The following STPG2 variants were observed in gnomAD, a reference collection of about 807,000 sequenced individuals.
The protein encoded by STPG2 is sperm-tail PG-rich repeat-containing protein 2.
A neutral mutation model predicts 54.2 loss-of-function variants in STPG2; 56 were observed. The ratio of observed to expected loss-of-function variants is 1.03; its 90% CI spans 0.83 to 1.29. STPG2 has a LOEUF of 1.29. Among genes scored for constraint, STPG2 ranks in the 50% most tolerant of loss-of-function variants. The pLI is 0.00. For missense variants in STPG2, 596 were observed against 544.9 expected (o/e 1.09, Z -0.93); for synonymous variants, 200 against 181.8 (o/e 1.10, Z -0.81).
chr4:97,954,178 T>A (rs1049024631), intron 7 of STPG2, among the ~76,000 whole-genome samples: 1 of 152,204 alleles, frequency 6.6e-6, no homozygotes, highest in African/African-American at 2.4e-5. Flanking sequence ...CATTTCTACA[T>A]GAATAATTAA....
intron 10 of STPG2, among the ~76,000 whole-genome samples, chr4:97,586,415 T>A (rs1040874928): frequency 6.6e-6 from 1 of 151,926 alleles, no homozygotes; most frequent in Non-Finnish European, 1.5e-5. Flanking sequence ...ATTCAAATAA[T>A]TAATGGCTTA....
chr4:97,866,867 T>C (rs1390443146), intron 8 of STPG2, among the ~76,000 whole-genome samples: 1 of 151,776 alleles, frequency 6.6e-6, no homozygotes. Flanking sequence ...CTGGGGAGAA[T>C]AGATTAAAGG....
chr4:97,923,129 T>G (rs1215212578), intron 8 of STPG2, among the ~76,000 whole-genome samples: 2 of 152,266 alleles, frequency 1.3e-5, no homozygotes, highest in Non-Finnish European at 2.9e-5. Flanking sequence ...TGGCACCTCC[T>G]CGGCCTGGGC....
chr4:97,933,449 C>G (rs1261742523), intron 8 of STPG2, among the ~76,000 whole-genome samples: 1 of 152,106 alleles, frequency 6.6e-6, no homozygotes. Context: ...AAGCCTATGT[C>G]CAGAATGTTA....
At chr4:97,930,130 C>A (rs1205609856) in intron 8 of STPG2, among the ~76,000 whole-genome samples, 2 of 152,106 alleles carry the variant, frequency 1.3e-5, no homozygotes, top group Admixed American at 6.5e-5. Context: ...ATCTCCTGAC[C>A]TCGTAATCTA....
intron 9 of STPG2, among the ~76,000 whole-genome samples, chr4:97,781,273 C>T (rs1047425699): frequency 2.0e-5 from 3 of 152,148 alleles, no homozygotes; most frequent in Non-Finnish European, 2.9e-5. Flanking sequence ...CACAGAAATA[C>T]AAACTACCAT....
chr4:97,821,774 C>A (rs1728098695), intron 9 of STPG2, among the ~76,000 whole-genome samples: 2 of 152,204 alleles, frequency 1.3e-5, no homozygotes, highest in South Asian at 4.1e-4. Context: ...CTGAGCTATA[C>A]CTGAGGCCCT....
chr4:97,701,581 G>T (rs901679034), intron 10 of STPG2, among the ~76,000 whole-genome samples: 5 of 152,188 alleles, frequency 3.3e-5, no homozygotes, highest in African/African-American at 1.2e-4. Context: ...CATTCAAGGG[G>T]TTCTGGATCT....
At chr4:97,778,623 C>T (rs1726474938) in intron 9 of STPG2, among the ~76,000 whole-genome samples, 1 of 152,184 alleles carries the variant, frequency 6.6e-6, no homozygotes, top group Non-Finnish European at 1.5e-5. Flanking sequence ...ACGGAATGGA[C>T]AGACTGCCTC....
chr4:97,747,899 A>C (rs1427197339), intron 9 of STPG2, among the ~76,000 whole-genome samples: 1 of 151,428 alleles, frequency 6.6e-6, no homozygotes, highest in Non-Finnish European at 1.5e-5. Context: ...TGTTCTGTTT[A>C]ATATTTCCCA....
At chr4:97,519,827 G>A (rs930437910) in intron 4 of STPG2, among the ~76,000 whole-genome samples, 2 of 151,992 alleles carry the variant, frequency 1.3e-5, no homozygotes, top group African/African-American at 4.8e-5. Flanking sequence ...ACAAGAGGTG[G>A]AGAGATGAAG....
At chr4:97,747,851 T>C (rs1294666289) in intron 9 of STPG2, among the ~76,000 whole-genome samples, 3 of 151,454 alleles carry the variant, frequency 2.0e-5, no homozygotes, top group Admixed American at 6.6e-5. Flanking sequence ...CTTGGTTTTA[T>C]TCAGACGTTT....
rs559120665 is a variant in STPG2 at position 97,559,580 on chromosome 4, A to G, written c.1321-463T>C. On this transcript the variant is annotated intron_variant, in intron 10 of 10. Coordinates refer to ENST00000295268, the MANE Select transcript of STPG2 (RefSeq NM_174952.3). The stretch of plus-strand genomic sequence containing the variant: ...CCTCTGAAATTTGCAAAAGCTATTC[A>G]GCTTCAATTAATTTCCAGGCTTTTT... 1.6e-4 allele frequency among the ~76,000 whole-genome samples: 24 copies of G among 152,316 alleles called. No individual in the cohort carries two copies. In the East Asian group the frequency reaches 4.6e-3, roughly 29 times the overall value.
At chr4:97,525,241 T>A (rs1278997594) in intron 4 of STPG2, among the ~76,000 whole-genome samples, 1 of 151,862 alleles carries the variant, frequency 6.6e-6, no homozygotes, top group Non-Finnish European at 1.5e-5. Context: ...ATATCCAGGT[T>A]TTACTGCTAT....
intron 10 of STPG2, among the ~76,000 whole-genome samples, chr4:97,583,742 A>C (rs1732923161): frequency 6.6e-6 from 1 of 151,986 alleles, no homozygotes; most frequent in South Asian, 2.1e-4. Context: ...ATATCAGATT[A>C]AACAGACATT....
intron 3 of STPG2, among the ~76,000 whole-genome samples, chr4:98,124,683 CT>C (rs1023129482): frequency 1.3e-5 from 2 of 152,142 alleles, no homozygotes; most frequent in African/African-American, 2.4e-5. Flanking sequence ...TAGTATCTTA[CT>C]GGGGTTCTCT....
At chr4:97,742,565 G>A (rs62318588) in intron 9 of STPG2, among the ~76,000 whole-genome samples, 63,976 of 117,836 alleles carry the variant, frequency 0.54, 15,097 homozygotes, top group Middle Eastern at 0.62. Flanking sequence ...GTGTGTGTGT[G>A]TCTATATATA....
At chr4:97,796,055 T>G (rs182168600) in intron 9 of STPG2, among the ~76,000 whole-genome samples, 33 of 152,352 alleles carry the variant, frequency 2.2e-4, no homozygotes, top group Admixed American at 2.0e-3. Flanking sequence ...TTGTTTGTTT[T>G]TTTCTTGTAA....
chr4:97,995,419 T>C (rs1735171515), intron 5 of STPG2, among the ~76,000 whole-genome samples: 1 of 152,184 alleles, frequency 6.6e-6, no homozygotes. Context: ...TCCACACGGC[T>C]CTGTCTGTCC....
Sources: allele counts gnomAD v4.1 joint callset (sites outside exome capture counted in the v4.1 genomes callset), GRCh38; gene constraint gnomAD v4.1.1; transcripts MANE v1.5; gene names NCBI Gene and HGNC (gene_info 2026-07-23, HGNC 2026-07-21).